ZBTB37: variants seen among roughly 807,000 people sequenced by gnomAD.
The protein encoded by ZBTB37 is zinc finger and BTB domain-containing protein 37.
ZBTB37 carries 15 observed loss-of-function variants against 37.7 expected under a neutral mutation model. The observed-to-expected ratio is 0.40, with a 90% confidence interval of 0.27 to 0.61. ZBTB37 has a LOEUF of 0.61. Among genes scored for constraint, ZBTB37 ranks in the 20% least tolerant of loss-of-function variants. ZBTB37 has a pLI of 0.44. For missense variants in ZBTB37, 514 were observed against 641.9 expected, an observed-to-expected ratio of 0.80 and a Z score of 2.15; for synonymous variants, 231 against 220.6, an observed-to-expected ratio of 1.05 and a Z score of -0.42.
intron 4 of ZBTB37, among the ~76,000 whole-genome samples, chr1:173,879,493 C>CT (rs1248015522): frequency 6.6e-6 from 1 of 152,072 alleles, no homozygotes; most frequent in Non-Finnish European, 1.5e-5. Flanking sequence ...AAGGAGAAAA[C>CT]TAAAGAAAGG....
chr1:173,885,555 G>A (rs1222900458), intron 4 of ZBTB37, 81 bp from the exon 5 acceptor site: 6 of 1,227,498 alleles, frequency 4.9e-6, no homozygotes, highest in Non-Finnish European at 4.5e-6. Flanking sequence ...TTAGTAACAA[G>A]TAAAAATAGA....
intron 3 of ZBTB37, among the ~76,000 whole-genome samples, chr1:173,872,818 G>C (rs904099877): frequency 1.6e-5 from 1 of 61,964 alleles, no homozygotes; most frequent in Admixed American, 2.0e-4. Flanking sequence ...GACCAGCCTG[G>C]CCAACATGGT....
downstream of ZBTB37, chr1:173,889,427 C>T (rs1656755758): frequency 6.6e-6 from 1 of 152,198 alleles, no homozygotes; most frequent in Non-Finnish European, 1.5e-5. Flanking sequence ...GCAATGAGAG[C>T]TACATCATCA....
chr1:173,897,561 A>G (rs541718299), exon 4 of ZBTB37: 8 of 152,338 alleles, frequency 5.3e-5, no homozygotes, highest in Admixed American at 1.3e-4. Context: ...GTGAATTGCA[A>G]TATTGCTGTG....
exon 5 of ZBTB37, chr1:173,886,055 T>G (rs1236083940): frequency 3.9e-6 from 6 of 1,551,720 alleles, no homozygotes; most frequent in Admixed American, 3.9e-5. Flanking sequence ...AAGAGTCACC[T>G]TCACAGGAAG....
exon 5 of ZBTB37, chr1:173,885,965 C>T: frequency 1.3e-6 from 2 of 1,551,764 alleles, no homozygotes; most frequent in Non-Finnish European, 1.7e-6. Context: ...TTCGCAAAAA[C>T]CACCCTGGCT....
chr1:173,900,151 T>C (rs1248936320), exon 4 of ZBTB37: 1 of 152,216 alleles, frequency 6.6e-6, no homozygotes, highest in East Asian at 1.9e-4. Context: ...ATATGTTTGA[T>C]TATTTATCTC....
chr1:173,877,672 C>T (rs1258381977), intron 4 of ZBTB37, among the ~76,000 whole-genome samples: 1 of 152,140 alleles, frequency 6.6e-6, no homozygotes, highest in Non-Finnish European at 1.5e-5. Context: ...AGTCCTCCCA[C>T]CTTGGTCTCC....
exon 4 of ZBTB37, chr1:173,900,299 G>A (rs547747222): frequency 4.9e-4 from 75 of 152,216 alleles, no homozygotes; most frequent in Middle Eastern, 3.4e-3. Context: ...GTCATTTTAG[G>A]ATCTTTCTTC....
exon 4 of ZBTB37, chr1:173,895,777 T>C (rs917310956): frequency 1.3e-5 from 2 of 152,236 alleles, no homozygotes; most frequent in Admixed American, 6.5e-5. Context: ...AGTTTTTTGA[T>C]TTTTGGTTAG....
intron 4 of ZBTB37, 55 bp downstream of exon 4, chr1:173,873,621 T>A (rs1482221707): frequency 6.2e-7 from 1 of 1,602,134 alleles, no homozygotes; most frequent in Non-Finnish European, 8.5e-7. Flanking sequence ...TGCTACTGTG[T>A]ATGAATAGAA....
intron 2 of ZBTB37, 26 bp from the exon 3 acceptor site, chr1:173,870,174 G>T (rs1050896493): frequency 4.3e-5 from 60 of 1,396,634 alleles, no homozygotes; most frequent in Non-Finnish European, 5.7e-5. Flanking sequence ...AATTATTAAT[G>T]AGAATATGGT....
exon 4 of ZBTB37, chr1:173,900,168 T>C (rs568700140): frequency 2.0e-5 from 3 of 152,224 alleles, no homozygotes; most frequent in Non-Finnish European, 2.9e-5. Flanking sequence ...TCTCTTAGCC[T>C]GTCTTCTAAG....
exon 3 of ZBTB37, chr1:173,870,438 T>C: frequency 1.2e-6 from 2 of 1,614,262 alleles, no homozygotes; most frequent in Non-Finnish European, 1.7e-6. Flanking sequence ...CAGTCTCCAT[T>C]TCAGTCATCA....
intron 2 of ZBTB37, among the ~76,000 whole-genome samples, chr1:173,869,440 T>C (rs1655346734): frequency 6.6e-6 from 1 of 152,250 alleles, no homozygotes; most frequent in Admixed American, 6.5e-5. Context: ...GTAAATGCTG[T>C]ATTTTTTCAT....
At chr1:173,888,669 A>C (rs1237289749), downstream of ZBTB37, 1 of 152,060 alleles carries the variant, frequency 6.6e-6, no homozygotes, top group Non-Finnish European at 1.5e-5. Flanking sequence ...GCCTCAAGTA[A>C]TCCTACCACC....
chr1:173,886,081 G>C, exon 5 of ZBTB37: 10 of 1,551,644 alleles, frequency 6.4e-6, no homozygotes, highest in Non-Finnish European at 8.7e-6. Flanking sequence ...GTTGCTCCTG[G>C]GGAAGCTGTC....
exon 4 of ZBTB37, chr1:173,897,970 C>T (rs570386808): frequency 6.6e-5 from 10 of 152,304 alleles, no homozygotes; most frequent in Middle Eastern, 6.8e-3. Context: ...CTCCTACAGA[C>T]TTCTCCCGGT....
chr1:173,899,664 C>T (rs1557898079), exon 4 of ZBTB37: 1 of 152,188 alleles, frequency 6.6e-6, no homozygotes, highest in Non-Finnish European at 1.5e-5. Flanking sequence ...GTTGTGCAAC[C>T]TGGGCTTTAG....
Sources: gnomAD v4.1 joint callset for allele counts (sites outside exome capture counted in the v4.1 genomes callset) on GRCh38, gnomAD v4.1.1 for gene constraint, MANE v1.5 for transcripts, NCBI Gene and HGNC (gene_info 2026-07-23, HGNC 2026-07-21) for gene names.